POU6F2: variants seen among roughly 807,000 people sequenced by gnomAD.
POU6F2 encodes the protein POU domain, class 6, transcription factor 2.
POU6F2 carries 31 observed loss-of-function variants against 71.3 expected under a neutral mutation model. The ratio of observed to expected loss-of-function variants is 0.43; its 90% CI spans 0.33 to 0.59. The LOEUF (loss-of-function observed/expected upper bound fraction) is 0.59, where lower values mean the gene tolerates loss of function less well. Among genes scored for constraint, POU6F2 ranks in the 20% least tolerant of loss-of-function variants. The probability of loss-of-function intolerance (pLI) is 0.04; values close to 1 mark genes in which losing one functional copy is unlikely to be tolerated. For missense variants in POU6F2, 783 were observed against 856.8 expected, an observed-to-expected ratio of 0.91 and a Z score of 1.07; for synonymous variants, 347 against 355.7, an observed-to-expected ratio of 0.98 and a Z score of 0.27.
chr7:39,115,804 T>C (rs889486479), intron 2 of POU6F2, among the ~76,000 whole-genome samples: 11 of 152,208 alleles, frequency 7.2e-5, no homozygotes, highest in Admixed American at 3.9e-4. Context: ...TTAAGTGAAA[T>C]AAAATCTTTT....
chr7:39,184,520 A>G (rs1039903995), intron 2 of POU6F2, among the ~76,000 whole-genome samples: 1 of 152,202 alleles, frequency 6.6e-6, no homozygotes, highest in Non-Finnish European at 1.5e-5. Context: ...TTAAAAGGGA[A>G]ATGCTGACAC....
chr7:39,297,561 C>T (rs1290253318), intron 4 of POU6F2, among the ~76,000 whole-genome samples: 5 of 152,104 alleles, frequency 3.3e-5, no homozygotes, highest in Non-Finnish European at 5.9e-5. Flanking sequence ...TTTGCAAGAC[C>T]ACTGTGACAT....
At chr7:39,444,205 C>T (rs1267638647) in intron 7 of POU6F2, among the ~76,000 whole-genome samples, 5 of 151,982 alleles carry the variant, frequency 3.3e-5, no homozygotes, top group African/African-American at 9.7e-5. Flanking sequence ...AAAAAAACAC[C>T]GGTATTTGAC....
chr7:39,030,715 C>T (rs1789922796), intron 1 of POU6F2, among the ~76,000 whole-genome samples: 1 of 150,508 alleles, frequency 6.6e-6, no homozygotes, highest in African/African-American at 2.4e-5. Context: ...GGGGAAATGC[C>T]AAGGAGTGTG....
intron 4 of POU6F2, among the ~76,000 whole-genome samples, chr7:39,286,464 A>G (rs575784627): frequency 6.6e-6 from 1 of 152,354 alleles, no homozygotes; most frequent in South Asian, 2.1e-4. Flanking sequence ...AATTAACAGG[A>G]CAATGTAAAA....
At chr7:39,453,940 G>C (rs1044638288) in intron 8 of POU6F2, among the ~76,000 whole-genome samples, 5 of 152,142 alleles carry the variant, frequency 3.3e-5, no homozygotes, top group Non-Finnish European at 7.4e-5. Flanking sequence ...AGTACCACTA[G>C]GGGTCGCACT....
chr7:39,391,433 G>A (rs1174574525), intron 5 of POU6F2, among the ~76,000 whole-genome samples: 3 of 151,732 alleles, frequency 2.0e-5, no homozygotes, highest in Non-Finnish European at 4.4e-5. Context: ...AAGTATAGAG[G>A]CATAATGAAT....
At chr7:39,074,825 G>A (rs888447974) in intron 1 of POU6F2, among the ~76,000 whole-genome samples, 18 of 152,120 alleles carry the variant, frequency 1.2e-4, no homozygotes, top group Non-Finnish European at 2.2e-4. Context: ...CAGGGAGCAA[G>A]CAATATCAAA....
chr7:39,397,834 A>ATATATATATATATAT (rs1395034721), intron 5 of POU6F2, among the ~76,000 whole-genome samples: 29 of 143,628 alleles, frequency 2.0e-4, no homozygotes, highest in South Asian at 4.3e-4. Context: ...ATATATATAT[A>ATATATATATATATAT]GTAGAGACGG....
At chr7:39,186,690 T>C (rs1046174816) in intron 2 of POU6F2, among the ~76,000 whole-genome samples, 2 of 152,228 alleles carry the variant, frequency 1.3e-5, no homozygotes, top group African/African-American at 4.8e-5. Flanking sequence ...CATGGATTTC[T>C]GTCCTGAGCT....
intron 4 of POU6F2, among the ~76,000 whole-genome samples, chr7:39,219,647 C>T (rs1794310170): frequency 6.6e-6 from 1 of 152,126 alleles, no homozygotes; most frequent in East Asian, 1.9e-4. Context: ...ATACTTGGCT[C>T]CACGTTAACC....
chr7:39,445,909 G>A (rs1788512088), intron 7 of POU6F2, among the ~76,000 whole-genome samples: 1 of 152,140 alleles, frequency 6.6e-6, no homozygotes, highest in Admixed American at 6.5e-5. Flanking sequence ...CAAAATCTGT[G>A]TGGTCCTCCA....
At chr7:39,118,039 G>A (rs1013008029) in intron 2 of POU6F2, among the ~76,000 whole-genome samples, 1 of 152,154 alleles carries the variant, frequency 6.6e-6, no homozygotes, top group African/African-American at 2.4e-5. Context: ...TCACCTTGTA[G>A]AATGCTGATA....
chr7:39,335,225 TATA>T (rs749599734), intron 4 of POU6F2, among the ~76,000 whole-genome samples: 2 of 152,226 alleles, frequency 1.3e-5, no homozygotes, highest in African/African-American at 2.4e-5. Context: ...CTCTGTTGCT[TATA>T]ATAACAGCCA....
At chr7:39,179,503 G>A (rs1285905780) in intron 2 of POU6F2, among the ~76,000 whole-genome samples, 1 of 152,132 alleles carries the variant, frequency 6.6e-6, no homozygotes, top group Admixed American at 6.6e-5. Context: ...TATTATGCAT[G>A]GGACTGAGAC....
At chr7:39,071,654 A>AACACACACACACAC (rs10522287) in intron 1 of POU6F2, among the ~76,000 whole-genome samples, 2 of 142,054 alleles carry the variant, frequency 1.4e-5, no homozygotes, top group African/African-American at 5.3e-5. Context: ...TCTCTAAAGA[A>AACACACACACACAC]ACACACACAC....
chr7:39,174,530 T>C (rs1049565884), intron 2 of POU6F2, among the ~76,000 whole-genome samples: 4 of 152,214 alleles, frequency 2.6e-5, no homozygotes, highest in African/African-American at 9.6e-5. Flanking sequence ...CAAACTTATC[T>C]GCAGTCACGT....
intron 5 of POU6F2, among the ~76,000 whole-genome samples, chr7:39,394,014 G>A (rs1787127135): frequency 6.6e-6 from 1 of 152,204 alleles, no homozygotes; most frequent in South Asian, 2.1e-4. Context: ...ATATTCTGGA[G>A]TAAAATACAT....
At chr7:39,150,225 CTGTGTGTGTGTGTG>C (rs60761447) in intron 2 of POU6F2, among the ~76,000 whole-genome samples, 2 of 141,158 alleles carry the variant, frequency 1.4e-5, no homozygotes, top group East Asian at 2.1e-4. Context: ...AGTAATATGT[CTGTGTGTGTGTGTG>C]TGTGTGTGTG....
Sources: allele counts gnomAD v4.1 joint callset (sites outside exome capture counted in the v4.1 genomes callset), GRCh38; gene constraint gnomAD v4.1.1; transcripts MANE v1.5; gene names NCBI Gene and HGNC (gene_info 2026-07-23, HGNC 2026-07-21).